Variants in SLCO1B1 observed in about 807,000 individuals in gnomAD.
The protein encoded by SLCO1B1 is OATP-2.
A neutral mutation model predicts 70.1 loss-of-function variants in SLCO1B1; 81 were observed. That is an observed-to-expected ratio of 1.16 (90% CI 0.97 to 1.39). The LOEUF (loss-of-function observed/expected upper bound fraction) is 1.39. Among genes scored for constraint, SLCO1B1 ranks in the 40% most tolerant of loss-of-function variants. The probability of loss-of-function intolerance (pLI) is 0.00; values close to 1 mark genes in which losing one functional copy is unlikely to be tolerated. For missense variants in SLCO1B1, 895 were observed against 799.6 expected, an observed-to-expected ratio of 1.12 and a Z score of -1.44; for synonymous variants, 283 against 271.5, an observed-to-expected ratio of 1.04 and a Z score of -0.42.
At chr12:21,197,891 T>C (rs1292344434) in intron 8 of SLCO1B1, among the ~76,000 whole-genome samples, 1 of 152,080 alleles carries the variant, frequency 6.6e-6, no homozygotes, top group African/African-American at 2.4e-5. Flanking sequence ...CTTTTGAATA[T>C]AAACCCTGGG....
intron 2 of SLCO1B1, among the ~76,000 whole-genome samples, chr12:21,169,425 T>C (rs1385992918): frequency 6.6e-6 from 1 of 152,126 alleles, no homozygotes; most frequent in Non-Finnish European, 1.5e-5. Flanking sequence ...CTTTTCTTTT[T>C]GCTCCTGTGA....
chr12:21,203,084 A>T lies in SLCO1B1; in HGVS notation c.1331+398A>T, dbSNP rs530831645. 7.7e-3 allele frequency among the ~76,000 whole-genome samples: 1,176 copies of T among 152,198 alleles called. 8 individuals carry two copies. The highest frequency in any genetic ancestry group is 0.012 in the Non-Finnish European group (782 of 67,996). On this transcript the variant is annotated intron_variant, in intron 10 of 14. Coordinates refer to ENST00000256958, the MANE Select transcript of SLCO1B1 (RefSeq NM_006446.5). ...GTCTTAACCACCACTGTAATCTTGG[A>T]TGGATCATAAGAGTTACATAAATGG...
chr12:21,212,966 G>A lies in SLCO1B1; in HGVS notation c.1498-4153G>A, dbSNP rs1282370173. ...TTTGAGCCTATGTGTGTCTCTGCAC[G>A]TGAGATGGGTCTCCTGAATACAGCA... is the stretch of plus-strand genomic sequence containing the variant. On this transcript the variant is annotated intron_variant, in intron 11 of 14. Coordinates refer to ENST00000256958, the MANE Select transcript of SLCO1B1 (RefSeq NM_006446.5). Among the ~76,000 whole-genome samples, 831 of 151,702 alleles carry A rather than the reference G, an allele frequency of 5.5e-3. 12 individuals are homozygous for A. Among genetic ancestry groups the A allele is most frequent in the African/African-American group, 0.019 (799 of 41,296 alleles).
chr12:21,174,442 C>A, intron 3 of SLCO1B1, 135 bp from the exon 4 acceptor site: 2 of 818,340 alleles, frequency 2.4e-6, no homozygotes, highest in Non-Finnish European at 4.0e-6. Context: ...GGTGAATTCA[C>A]CTTCTCAATT....
chr12:21,212,152 T>C (rs1486397008), intron 11 of SLCO1B1, among the ~76,000 whole-genome samples: 33 of 126,320 alleles, frequency 2.6e-4, no homozygotes, highest in Non-Finnish European at 4.9e-4. Context: ...TTAATTGTGA[T>C]GTTAGGGTGT....
At chr12:21,234,350 C>T (rs953125803) in intron 14 of SLCO1B1, among the ~76,000 whole-genome samples, 3 of 152,078 alleles carry the variant, frequency 2.0e-5, no homozygotes, top group African/African-American at 7.2e-5. Flanking sequence ...GTGCTGTTAT[C>T]CTCAGGAGCA....
intron 2 of SLCO1B1, among the ~76,000 whole-genome samples, chr12:21,168,459 T>C (rs1940718047): frequency 6.6e-6 from 1 of 152,210 alleles, no homozygotes; most frequent in Non-Finnish European, 1.5e-5. Context: ...TATTGTTTAG[T>C]ATTTGTGGAA....
Position 21,135,675 on chromosome 12 carries a change from T to C in SLCO1B1, c.-62+4439T>C, listed in dbSNP as rs556422877. On this transcript the variant is annotated intron_variant, in intron 1 of 14. Transcript: ENST00000256958. Reference sequence around the variant, plus strand: ...TTGCAACCCCTGCCTTTTTTTGTTTTCCATTTGCTTGGTAGATCTTCCTCC... The same window carrying C: ...TTGCAACCCCTGCCTTTTTTTGTTTCCCATTTGCTTGGTAGATCTTCCTCC... Among the ~76,000 whole-genome samples, 1,065 of 152,284 alleles carry C rather than the reference T, an allele frequency of 7.0e-3. 17 individuals are homozygous for C. The highest frequency in any genetic ancestry group is 0.024 in the African/African-American group (1,001 of 41,554).
In SLCO1B1 at chr12:21,172,758, CTT is replaced by C; in HGVS notation, c.194_195del (p.Leu65ArgfsTer5). 6.2e-7 allele frequency: 1 copy of C among 1,613,408 alleles called. No homozygotes were observed. The highest frequency in any genetic ancestry group is 1.1e-5 in the South Asian group (1 of 91,048). ...IERRFEISSS[L>X]VGFIDGSFEI... Reference sequence around the variant, plus strand: ...ACGGAGATTTGAGATATCCTCTTCTCTTGTTGGTTTTATTGACGGAAGCTTTG... The same window carrying C: ...ACGGAGATTTGAGATATCCTCTTCTCGTTGGTTTTATTGACGGAAGCTTTG... On this transcript the variant is annotated frameshift_variant, in exon 3 of 15. Coordinates refer to ENST00000256958, the MANE Select transcript of SLCO1B1 (RefSeq NM_006446.5). LOFTEE classifies it high-confidence loss of function.
In SLCO1B1 at chr12:21,162,580, A is replaced by C. The variant is rs146285403; in HGVS notation, c.85-10070A>C. ...CCCGTTGCTTCAAATGGAGAGAAGC[A>C]GCAGTGTACCACAGATAAATGAAGT... On this transcript the variant is annotated intron_variant, in intron 2 of 14. Transcript: ENST00000256958. Among the ~76,000 whole-genome samples the C allele has an allele frequency of 3.0e-3, 462 of 152,332 alleles. 1 individual carries two copies. The highest frequency in any genetic ancestry group is 0.011 in the African/African-American group (453 of 41,584).
intron 1 of SLCO1B1, among the ~76,000 whole-genome samples, chr12:21,138,567 T>C (rs4149017): frequency 0.5 from 75,317 of 151,990 alleles, 21,475 homozygotes; most frequent in South Asian, 0.76. Flanking sequence ...GAACAAAGTG[T>C]CCACCTTTTT....
At chr12:21,234,930 A>T (rs1214699675) in intron 14 of SLCO1B1, among the ~76,000 whole-genome samples, 5 of 152,088 alleles carry the variant, frequency 3.3e-5, no homozygotes, top group African/African-American at 9.7e-5. Context: ...CTGATTTTTT[A>T]AAAAATTTAT....
At chr12:21,151,819 TC>T (rs751494547) in intron 2 of SLCO1B1, among the ~76,000 whole-genome samples, 3 of 152,128 alleles carry the variant, frequency 2.0e-5, no homozygotes, top group Non-Finnish European at 2.9e-5. Flanking sequence ...GGGATTTTTT[TC>T]CTTTGTCTGT....
intron 7 of SLCO1B1, among the ~76,000 whole-genome samples, chr12:21,184,544 CCTT>C (rs1940942335): frequency 6.6e-6 from 1 of 152,120 alleles, no homozygotes; most frequent in African/African-American, 2.4e-5. Flanking sequence ...GAACTAAACT[CCTT>C]CTCATACAAG....
At chr12:21,216,304 T>C (rs374810630) in intron 11 of SLCO1B1, among the ~76,000 whole-genome samples, 8 of 152,168 alleles carry the variant, frequency 5.3e-5, no homozygotes, top group Non-Finnish European at 1.5e-5. Context: ...AACTGTAAGT[T>C]TGGCAGAACT....
chr12:21,182,409 G>T (rs1003996833), intron 7 of SLCO1B1, among the ~76,000 whole-genome samples: 1 of 152,148 alleles, frequency 6.6e-6, no homozygotes, highest in African/African-American at 2.4e-5. Flanking sequence ...GCAGCCATAG[G>T]CGCCCAACAT....
At chr12:21,181,767 A>C (rs1022149576) in intron 7 of SLCO1B1, among the ~76,000 whole-genome samples, 2 of 152,140 alleles carry the variant, frequency 1.3e-5, no homozygotes, top group Admixed American at 1.3e-4. Flanking sequence ...CCACTTATGC[A>C]CAGACTTTTT....
At chr12:21,179,422 G>T (rs995284210) in intron 7 of SLCO1B1, among the ~76,000 whole-genome samples, 2 of 152,110 alleles carry the variant, frequency 1.3e-5, no homozygotes, top group African/African-American at 4.8e-5. Context: ...TTTATGGCTG[G>T]AGTCATTTGA....
At chr12:21,197,275 C>A in intron 8 of SLCO1B1, 87 bp downstream of exon 8, 1 of 1,454,920 alleles carries the variant, frequency 6.9e-7, no homozygotes, top group Non-Finnish European at 9.4e-7. Flanking sequence ...AAAGCATACC[C>A]AACTCATCTG....
Sources: gnomAD v4.1 joint callset for allele counts (sites outside exome capture counted in the v4.1 genomes callset) on GRCh38, gnomAD v4.1.1 for gene constraint, MANE v1.5 for transcripts, NCBI Gene and HGNC (gene_info 2026-07-23, HGNC 2026-07-21) for gene names.